The following RNF169 variants were observed in gnomAD, a reference collection of about 807,000 sequenced individuals.
The protein encoded by RNF169 is ring finger protein 169, also known as E3 ubiquitin-protein ligase RNF169.
RNF169 carries 24 observed loss-of-function variants against 53.9 expected under a neutral mutation model. The observed-to-expected ratio is 0.45, with a 90% CI of 0.32 to 0.63. The LOEUF (loss-of-function observed/expected upper bound fraction) is 0.63, where lower values mean the gene tolerates loss of function less well. Among genes scored for constraint, RNF169 ranks in the 20% least tolerant of loss-of-function variants. RNF169 has a pLI of 0.04. For synonymous variants in RNF169, 396 were observed against 363.5 expected (o/e 1.09, Z -1.02); for missense variants, 883 against 906.2 (o/e 0.97, Z 0.33).
At chr11:74,783,875 T>TA (rs1008518117) in intron 1 of RNF169, among the ~76,000 whole-genome samples, 1 of 152,218 alleles carries the variant, frequency 6.6e-6, no homozygotes, top group African/African-American at 2.4e-5. Flanking sequence ...TGTTCTTTAT[T>TA]AAAAATCTGG....
chr11:74,820,750 C>T lies in RNF169; in HGVS notation c.842+3036C>T, dbSNP rs2035999086. On this transcript the variant is annotated intron_variant, in intron 4 of 5. Coordinates refer to ENST00000299563, the MANE Select transcript of RNF169 (RefSeq NM_001098638.2). Reference sequence around the variant, plus strand: ...TAGCTTAAGGAGAAGCAATGTGGAGCTTAAGGAGAATGGTGGTAGAAGCGT... The same window carrying T: ...TAGCTTAAGGAGAAGCAATGTGGAGTTTAAGGAGAATGGTGGTAGAAGCGT... 2.0e-5 allele frequency among the ~76,000 whole-genome samples: 3 copies of T among 152,078 alleles called. No homozygotes were observed. In the East Asian group the frequency reaches 5.8e-4, roughly 29 times the overall value.
chr11:74,805,369 G>A (rs1306937788), intron 2 of RNF169, among the ~76,000 whole-genome samples: 2 of 152,196 alleles, frequency 1.3e-5, no homozygotes, highest in Admixed American at 1.3e-4. Context: ...AGTGGTTTGA[G>A]AGATTGATTG....
intron 3 of RNF169, among the ~76,000 whole-genome samples, chr11:74,813,847 C>G (rs1221754417): frequency 6.6e-6 from 1 of 152,094 alleles, no homozygotes; most frequent in Non-Finnish European, 1.5e-5. Flanking sequence ...CGTGCCACCA[C>G]GCCCAGTTAA....
chr11:74,791,174 G>C (rs961113314), intron 2 of RNF169, among the ~76,000 whole-genome samples: 1 of 152,190 alleles, frequency 6.6e-6, no homozygotes, highest in African/African-American at 2.4e-5. Context: ...GAGATCCACA[G>C]TGGGTAGCTC....
At chr11:74,764,823 A>C (rs950247795) in intron 1 of RNF169, among the ~76,000 whole-genome samples, 1 of 152,256 alleles carries the variant, frequency 6.6e-6, no homozygotes, top group African/African-American at 2.4e-5. Context: ...AGTGATTCTC[A>C]TTACAGATTT....
intron 2 of RNF169, among the ~76,000 whole-genome samples, chr11:74,800,397 A>C (rs1304639308): frequency 2.0e-5 from 3 of 152,204 alleles, no homozygotes; most frequent in Non-Finnish European, 4.4e-5. Context: ...TTTTACCCTA[A>C]GCTGAGAAAC....
chr11:74,834,806 G>A, intron 5 of RNF169, 31 bp downstream of exon 5: 1 of 1,506,330 alleles, frequency 6.6e-7, no homozygotes, highest in Non-Finnish European at 9.2e-7. Context: ...TCCGGGGCTT[G>A]TGAGGCTTGC....
chr11:74,832,169 T>C (rs565293236), intron 4 of RNF169: 2 of 152,354 alleles, frequency 1.3e-5, no homozygotes, highest in East Asian at 3.9e-4. Flanking sequence ...TTGATCAATC[T>C]GTCTCTAATG....
chr11:74,795,296 T>C (rs1235961828), intron 2 of RNF169, among the ~76,000 whole-genome samples: 1 of 150,820 alleles, frequency 6.6e-6, no homozygotes, highest in Admixed American at 6.6e-5. Context: ...CTCAGCTCAC[T>C]GTAGCCTTTG....
rs569112513 is a variant in RNF169, at chr11:74,770,901, G to A, written c.503-18725G>A. 2.7e-4 allele frequency among the ~76,000 whole-genome samples: 41 copies of A among 152,194 alleles called. No homozygotes were observed. The South Asian group carries it at 4.2e-3, about 15-fold the overall frequency. On this transcript the variant is annotated intron_variant, in intron 1 of 5. Transcript: ENST00000299563. ...GCTCACTACAACCTCTGCCTCCTGG[G>A]TTCAAGGGATTCTCCTGCCTCAGCC... is the stretch of plus-strand genomic sequence containing the variant.
chr11:74,775,292 TTTCTCCCA>T (rs1331085272), intron 1 of RNF169, among the ~76,000 whole-genome samples: 2 of 152,202 alleles, frequency 1.3e-5, no homozygotes. Flanking sequence ...AATAGGGATG[TTTCTCCCA>T]TTCTGATTAC....
chr11:74,753,230 A>G (rs1257372049), intron 1 of RNF169, among the ~76,000 whole-genome samples: 2 of 152,214 alleles, frequency 1.3e-5, no homozygotes, highest in African/African-American at 4.8e-5. Context: ...GGCCTCCCAA[A>G]GTGCTGGGAT....
intron 1 of RNF169, 41 bp downstream of exon 1, chr11:74,749,423 C>T (rs901140267): frequency 8.2e-7 from 1 of 1,225,334 alleles, no homozygotes. Flanking sequence ...GGAGCGAGGC[C>T]GAGCGCGCCC....
chr11:74,801,378 G>A (rs1259702299), intron 2 of RNF169, among the ~76,000 whole-genome samples: 1 of 152,150 alleles, frequency 6.6e-6, no homozygotes, highest in Non-Finnish European at 1.5e-5. Context: ...TATAGAAGCC[G>A]TAGCTGTTAG....
intron 3 of RNF169, among the ~76,000 whole-genome samples, chr11:74,814,430 G>A (rs2035916964): frequency 7.2e-6 from 1 of 139,686 alleles, no homozygotes; most frequent in African/African-American, 2.6e-5. Flanking sequence ...CACCCAGGCT[G>A]GAGTGTAGTG....
chr11:74,835,663 C>G lies in RNF169; in HGVS notation c.1060C>G (p.Leu354Val), dbSNP rs2036243318. The G allele has an allele frequency of 3.7e-6, 6 of 1,614,180 alleles. No homozygotes were observed. The African/African-American group carries it at 5.3e-5, about 14-fold the overall frequency. Residue 354 changes from leucine to valine, a missense_variant, in exon 6 of 6, where the codon CTT (leucine) becomes GTT (valine). Transcript: ENST00000299563. ...TIEKRLPFSS[L>V]SSLASLHKPE... is the part of the protein sequence containing the mutation. ...CGAAAAGCGTCTACCCTTCAGCTCC[C>G]TTTCATCCTTGGCTTCCCTGCATAA... is the stretch of plus-strand genomic sequence containing the variant.
At chr11:74,772,209 C>T (rs2035270110) in intron 1 of RNF169, among the ~76,000 whole-genome samples, 1 of 152,096 alleles carries the variant, frequency 6.6e-6, no homozygotes, top group African/African-American at 2.4e-5. Context: ...TTATGCAGGT[C>T]ATGTATGTCA....
intron 2 of RNF169, among the ~76,000 whole-genome samples, chr11:74,795,813 C>G (rs891563900): frequency 7.9e-5 from 12 of 152,280 alleles, no homozygotes; most frequent in African/African-American, 2.9e-4. Flanking sequence ...GCTGTGATTG[C>G]ATCACTGCAC....
At chr11:74,798,017 C>G (rs1158952691) in intron 2 of RNF169, among the ~76,000 whole-genome samples, 1 of 152,168 alleles carries the variant, frequency 6.6e-6, no homozygotes, top group African/African-American at 2.4e-5. Context: ...ATTTCCCATG[C>G]CTGTCTTTAC....
Sources: allele counts gnomAD v4.1 joint callset (sites outside exome capture counted in the v4.1 genomes callset), GRCh38; gene constraint gnomAD v4.1.1; transcripts MANE v1.5; gene names NCBI Gene and HGNC (gene_info 2026-07-23, HGNC 2026-07-21).